Variants in WDR3 observed in about 807,000 individuals in gnomAD.
The protein encoded by WDR3 is WD repeat domain 3, also known as WD repeat-containing protein 3.
WDR3 carries 81 observed loss-of-function variants against 123.7 expected under a neutral mutation model. The ratio of observed to expected loss-of-function variants is 0.65; its 90% CI spans 0.55 to 0.79. The LOEUF is 0.79. Among genes scored for constraint, WDR3 ranks in the 30% least tolerant of loss-of-function variants. The pLI is 0.00. For synonymous variants in WDR3, 390 were observed against 388.8 expected (o/e 1.00, Z -0.04); for missense variants, 1,027 against 1,123.2 (o/e 0.91, Z 1.22).
chr1:117,933,584 G>T lies in WDR3; in HGVS notation c.171+94G>T, dbSNP rs776827497. The stretch of plus-strand genomic sequence containing the variant: ...GGGGGCTCTGATTTATTTATCATGA[G>T]TTTTTTTGTGTCTGTGCCCTTAGAA... On this transcript the variant is annotated intron_variant, in intron 2 of 26. Coordinates refer to ENST00000349139, the MANE Select transcript of WDR3 (RefSeq NM_006784.3). The T allele has an allele frequency of 4.6e-6, 7 of 1,528,606 alleles. No homozygotes were observed. In the South Asian group the frequency reaches 6.9e-5, roughly 15 times the overall value. The allele number at this position is 1,528,606 out of a possible 1,614,324, so 94.7% of individuals were successfully genotyped here.
At chr1:117,951,887 G>C in intron 16 of WDR3, 89 bp from the exon 17 acceptor site, 1 of 1,262,484 alleles carries the variant, frequency 7.9e-7, no homozygotes, top group Admixed American at 2.3e-5. Flanking sequence ...TAATGTGTTT[G>C]AAAGAAATGG....
intron 5 of WDR3, among the ~76,000 whole-genome samples, chr1:117,939,180 C>A (rs1272921799): frequency 6.6e-6 from 1 of 152,200 alleles, no homozygotes; most frequent in Non-Finnish European, 1.5e-5. Flanking sequence ...TTAAAATCAT[C>A]ATTTGAGTGG....
In WDR3 at chr1:117,938,583, G is replaced by T; in HGVS notation, c.579+25G>T. 3 of 1,596,422 alleles carry T rather than the reference G, an allele frequency of 1.9e-6. No homozygotes were observed. The South Asian group carries it at 3.4e-5, about 18-fold the overall frequency. On this transcript the variant is annotated intron_variant, in intron 5 of 26. Coordinates refer to ENST00000349139, the MANE Select transcript of WDR3 (RefSeq NM_006784.3). ...GGTAAGTGTAGGGTCATGGGCCCAG[G>T]GAAATAATGGGAAGGCAAAAGGGAA...
intron 12 of WDR3, among the ~76,000 whole-genome samples, chr1:117,947,916 G>C (rs1326001127): frequency 6.6e-6 from 1 of 152,082 alleles, no homozygotes; most frequent in Non-Finnish European, 1.5e-5. Flanking sequence ...GCCTTCCTTA[G>C]TGCTGTAGGT....
At chr1:117,932,140 C>T (rs890180956) in intron 1 of WDR3, among the ~76,000 whole-genome samples, 1 of 152,158 alleles carries the variant, frequency 6.6e-6, no homozygotes, top group Non-Finnish European at 1.5e-5. Flanking sequence ...CTTCATTCAC[C>T]TCTTGTCCCT....
intron 8 of WDR3, 143 bp downstream of exon 8, chr1:117,941,368 T>C: frequency 1.4e-6 from 1 of 725,114 alleles, no homozygotes; most frequent in Non-Finnish European, 2.2e-6. Context: ...CTATAATCTC[T>C]AGCTTTATTA....
intron 20 of WDR3, 130 bp downstream of exon 20, chr1:117,953,126 A>G: frequency 9.0e-7 from 1 of 1,108,976 alleles, no homozygotes; most frequent in South Asian, 1.6e-5. Context: ...CCAGCTGATA[A>G]AGAATCTGTG....
chr1:117,948,287 A>T lies in WDR3; in HGVS notation c.1423-118A>T, dbSNP rs1261374434. 5 of 749,106 alleles carry T rather than the reference A, an allele frequency of 6.7e-6. No homozygotes were observed. The African/African-American group carries it at 8.7e-5, about 13-fold the overall frequency. The allele number at this position is 749,106 out of a possible 1,614,324, so 46.4% of individuals were successfully genotyped here. A position where few individuals can be genotyped will look rare whatever the true frequency, so the allele number is the denominator to read the frequency against. On this transcript the variant is annotated intron_variant, in intron 12 of 26. Transcript: ENST00000349139. Reference sequence around the variant, plus strand: ...ACATGGAATGTGGGATCCATTTCCTAAGCAATGGATCACATTTTTGCAGCT... The same window carrying T: ...ACATGGAATGTGGGATCCATTTCCTTAGCAATGGATCACATTTTTGCAGCT...
chr1:117,935,882 A>G (rs1313098632), intron 3 of WDR3, among the ~76,000 whole-genome samples: 1 of 151,964 alleles, frequency 6.6e-6, no homozygotes, highest in Non-Finnish European at 1.5e-5. Context: ...CAATATAAAA[A>G]GAAAGGATTA....
chr1:117,932,822 G>A (rs1650781200), intron 1 of WDR3, among the ~76,000 whole-genome samples: 1 of 152,022 alleles, frequency 6.6e-6, no homozygotes, highest in African/African-American at 2.4e-5. Context: ...ATGATGTCCA[G>A]GTATTTTAGG....
chr1:117,940,828 T>G lies in WDR3; in HGVS notation c.677T>G (p.Ile226Ser). 1 of 1,606,268 alleles carries G rather than the reference T, an allele frequency of 6.2e-7. No individual in the cohort carries two copies. Among genetic ancestry groups the G allele is most frequent in the African/African-American group, 1.3e-5 (1 of 74,312 alleles). Residue 226 changes from isoleucine to serine, a missense_variant and splice_region_variant, in exon 7 of 27, where the codon ATT (isoleucine) becomes AGT (serine). Ile to Ser is a moderately radical substitution (Grantham distance 142). Coordinates refer to ENST00000349139, the MANE Select transcript of WDR3 (RefSeq NM_006784.3). ...TATTTTCTCATTTTTATAAAACAGA[T>G]TGAAGACCCGGAAGAACCAGACCCC... ...RVWDIAYLQE[I>S]EDPEEPDPKK... is the part of the protein sequence containing the mutation.
rs773144211 is a variant in WDR3, at chr1:117,946,082, A to T, written c.1329-4A>T. On this transcript the variant is annotated splice_region_variant and splice_polypyrimidine_tract_variant and intron_variant, in intron 11 of 26. Transcript: ENST00000349139. ...ATGAGTTCTTTATTTTTTCTTTCTC[A>T]TAGGTCTACACTGCAGTGTATTCGC... 1 of 1,588,416 alleles carries T rather than the reference A, an allele frequency of 6.3e-7. No homozygotes were observed. The highest frequency in any genetic ancestry group is 1.2e-5 in the South Asian group (1 of 85,768).
intron 6 of WDR3, among the ~76,000 whole-genome samples, chr1:117,940,537 G>A (rs968519974): frequency 1.3e-5 from 2 of 152,060 alleles, no homozygotes; most frequent in Non-Finnish European, 2.9e-5. Flanking sequence ...AGGCCAGCCT[G>A]GGCAATATGG....
intron 15 of WDR3, 47 bp downstream of exon 15, chr1:117,950,177 C>G: frequency 6.2e-7 from 1 of 1,605,506 alleles, no homozygotes; most frequent in Non-Finnish European, 8.5e-7. Context: ...GACTGACTGA[C>G]CTTAAGAATT....
chr1:117,959,718 C>T lies in WDR3; in HGVS notation c.*271C>T, dbSNP rs1652769905. ...CCTTGCAGCTCAAGCTTGTTGTTCCCTTTATATTCTAGCAGGGAATAAATA... is the reference window on the plus strand; with the variant it reads ...CCTTGCAGCTCAAGCTTGTTGTTCCTTTTATATTCTAGCAGGGAATAAATA... On this transcript the variant is annotated 3_prime_UTR_variant, in exon 27 of 27. Coordinates refer to ENST00000349139, the MANE Select transcript of WDR3 (RefSeq NM_006784.3). 1 of 270,646 alleles carries T rather than the reference C, an allele frequency of 3.7e-6. No homozygotes were observed. The highest frequency in any genetic ancestry group is 2.2e-5 in the African/African-American group (1 of 45,746). The allele number at this position is 270,646 out of a possible 1,614,324, so 16.8% of individuals were successfully genotyped here.
Position 117,965,439 on chromosome 1 carries a change from A to C in WDR3, c.*5992A>C, listed in dbSNP as rs992592033. On this transcript the variant is annotated 3_prime_UTR_variant, in exon 27 of 27. Transcript: ENST00000349139. ...ATCTCCAATTCTGACTTCTCAGTTG[A>C]GATCTAATATTACATATACATGATT... is the stretch of plus-strand genomic sequence containing the variant. The C allele has an allele frequency of 6.6e-6, 1 of 152,228 alleles. No individual in the cohort carries two copies. Among genetic ancestry groups the C allele is most frequent in the Non-Finnish European group, 1.5e-5 (1 of 68,044 alleles). The allele number at this position is 152,228 out of a possible 1,614,324, so 9.4% of individuals were successfully genotyped here. A position where few individuals can be genotyped will look rare whatever the true frequency, so the allele number is the denominator to read the frequency against.
chr1:117,959,855 C>T lies in WDR3; in HGVS notation c.*408C>T, dbSNP rs1244343160. The T allele has an allele frequency of 6.5e-6, 1 of 153,524 alleles. No homozygotes were observed. Among genetic ancestry groups the T allele is most frequent in the Non-Finnish European group, 1.4e-5 (1 of 69,130 alleles). The allele number at this position is 153,524 out of a possible 1,614,324, so 9.5% of individuals were successfully genotyped here. A position where few individuals can be genotyped will look rare whatever the true frequency, so the allele number is the denominator to read the frequency against. On this transcript the variant is annotated 3_prime_UTR_variant, in exon 27 of 27. Coordinates refer to ENST00000349139, the MANE Select transcript of WDR3 (RefSeq NM_006784.3). ...ATTTATTTATATTAGGTTTTACTGCCTATTGAGACAACCAGGTGCATAATT... is the reference window on the plus strand; with the variant it reads ...ATTTATTTATATTAGGTTTTACTGCTTATTGAGACAACCAGGTGCATAATT...
Position 117,936,912 on chromosome 1 carries a change from C to T in WDR3, c.500+25C>T, listed in dbSNP as rs1488019769. 1.9e-6 allele frequency: 3 copies of T among 1,586,598 alleles called. No homozygotes were observed. In the African/African-American group the frequency reaches 4.0e-5, roughly 21 times the overall value. ...GGTAAAGAAATAATGGTTTAATTTC[C>T]AGTTATTTTCTAGGAAGAGAGAATT... On this transcript the variant is annotated intron_variant, in intron 4 of 26. Transcript: ENST00000349139.
intron 13 of WDR3, among the ~76,000 whole-genome samples, chr1:117,949,504 TAGTATA>T (rs1651522578): frequency 1.3e-5 from 2 of 152,174 alleles, no homozygotes; most frequent in Admixed American, 1.3e-4. Context: ...TGCTAGATAA[TAGTATA>T]ACTAGAACTT....
Sources: allele counts gnomAD v4.1 joint callset (sites outside exome capture counted in the v4.1 genomes callset), GRCh38; gene constraint gnomAD v4.1.1; transcripts MANE v1.5; gene names NCBI Gene and HGNC (gene_info 2026-07-23, HGNC 2026-07-21).